Variants in GALNTL6 observed in about 807,000 individuals in gnomAD.
The protein encoded by GALNTL6 is polypeptide N-acetylgalactosaminyltransferase-like 6.
GALNTL6 carries 46 observed loss-of-function variants against 73.7 expected under a neutral mutation model. The ratio of observed to expected loss-of-function variants is 0.62; its 90% CI spans 0.49 to 0.80. GALNTL6 has a LOEUF of 0.80. GALNTL6 is among the 30% of genes least tolerant of loss of function. GALNTL6 has a pLI of 0.00. For missense variants in GALNTL6, 604 were observed against 755.0 expected, an observed-to-expected ratio of 0.80 and a Z score of 2.34; for synonymous variants, 259 against 263.7, an observed-to-expected ratio of 0.98 and a Z score of 0.17.
In GALNTL6 at chr4:172,567,363, GATAGGT is replaced by G. The variant is rs1736592941; in HGVS notation, c.553+218676_553+218681del. On this transcript the variant is annotated intron_variant, in intron 5 of 12. Coordinates refer to ENST00000506823, the MANE Select transcript of GALNTL6 (RefSeq NM_001034845.3). ...TAAACCTATGTCCTGCTTGTGCCCT[GATAGGT>G]AAGCCCTGAGATAGTCTATGATGGA... 1.3e-5 allele frequency among the ~76,000 whole-genome samples: 2 copies of G among 152,004 alleles called. 1 individual carries two copies. Among genetic ancestry groups the G allele is most frequent in the Non-Finnish European group, 2.9e-5 (2 of 68,014 alleles).
At chr4:172,033,110 T>C (rs1224586902) in intron 2 of GALNTL6, among the ~76,000 whole-genome samples, 1 of 151,966 alleles carries the variant, frequency 6.6e-6, no homozygotes, top group African/African-American at 2.4e-5. Flanking sequence ...TGTCTTTTAA[T>C]GGCTTATCTT....
At chr4:171,843,628 T>G (rs1490362759) in intron 2 of GALNTL6, among the ~76,000 whole-genome samples, 1 of 152,164 alleles carries the variant, frequency 6.6e-6, no homozygotes, top group Non-Finnish European at 1.5e-5. Context: ...GCAGTGAGGA[T>G]AGGCTCTCCC....
Position 171,901,057 on chromosome 4 carries a change from T to C in GALNTL6, c.138+86339T>C, listed in dbSNP as rs150437687. Among the ~76,000 whole-genome samples, 488 of 152,270 alleles carry C rather than the reference T, an allele frequency of 3.2e-3. 3 individuals are homozygous for C. Among genetic ancestry groups the C allele is most frequent in the African/African-American group, 0.011 (467 of 41,558 alleles). ...AAATAGAGCTAATCTGAGACACTAT[T>C]GCAGGGTGCTGAATTACCCTGATTT... On this transcript the variant is annotated intron_variant, in intron 2 of 12. Transcript: ENST00000506823.
chr4:172,900,747 T>C (rs1407195825), intron 8 of GALNTL6, among the ~76,000 whole-genome samples: 1 of 152,234 alleles, frequency 6.6e-6, no homozygotes, highest in Non-Finnish European at 1.5e-5. Context: ...TAAATTTTCT[T>C]AATTCATGAA....
At chr4:172,097,030 C>T (rs562817901) in intron 2 of GALNTL6, among the ~76,000 whole-genome samples, 8 of 152,166 alleles carry the variant, frequency 5.3e-5, no homozygotes, top group Non-Finnish European at 7.4e-5. Context: ...CTGTTTTTTG[C>T]TCTGTATGTA....
At chr4:171,958,946 T>G (rs1364463765) in intron 2 of GALNTL6, among the ~76,000 whole-genome samples, 2 of 152,116 alleles carry the variant, frequency 1.3e-5, no homozygotes, top group African/African-American at 2.4e-5. Flanking sequence ...TATTTTTTCT[T>G]TATTAGAGAA....
intron 5 of GALNTL6, among the ~76,000 whole-genome samples, chr4:172,729,955 T>A (rs1736050976): frequency 6.6e-6 from 1 of 152,126 alleles, no homozygotes; most frequent in African/African-American, 2.4e-5. Context: ...ACTTCTTTGG[T>A]TAGATTGGTT....
At chr4:171,832,172 AT>A (rs1228258339) in intron 2 of GALNTL6, among the ~76,000 whole-genome samples, 2 of 151,426 alleles carry the variant, frequency 1.3e-5, no homozygotes, top group African/African-American at 4.8e-5. Flanking sequence ...TTCTAATGAA[AT>A]TTTTTAAAAT....
chr4:171,829,559 C>G (rs1054735373), intron 2 of GALNTL6, among the ~76,000 whole-genome samples: 1 of 152,112 alleles, frequency 6.6e-6, no homozygotes, highest in East Asian at 1.9e-4. Context: ...CTTTTTCCCC[C>G]TGGAATTTGA....
intron 5 of GALNTL6, among the ~76,000 whole-genome samples, chr4:172,594,128 C>T (rs953553973): frequency 1.3e-5 from 2 of 151,946 alleles, no homozygotes; most frequent in Non-Finnish European, 2.9e-5. Context: ...GGGTGGATCA[C>T]GAGGTCAGGA....
At chr4:172,163,909 A>AT (rs1256726053) in intron 2 of GALNTL6, among the ~76,000 whole-genome samples, 2 of 152,070 alleles carry the variant, frequency 1.3e-5, no homozygotes, top group East Asian at 3.9e-4. Context: ...TATAGGAGTA[A>AT]TTTTTTTCAG....
intron 5 of GALNTL6, among the ~76,000 whole-genome samples, chr4:172,664,590 G>A (rs1296493124): frequency 6.6e-6 from 1 of 152,142 alleles, no homozygotes; most frequent in African/African-American, 2.4e-5. Flanking sequence ...CTAGGTCATG[G>A]ATCTGAGTCA....
intron 5 of GALNTL6, among the ~76,000 whole-genome samples, chr4:172,691,473 G>A (rs1449422094): frequency 6.6e-6 from 1 of 152,176 alleles, no homozygotes; most frequent in African/African-American, 2.4e-5. Context: ...ATTTTTAAAT[G>A]TTACATGACT....
intron 10 of GALNTL6, among the ~76,000 whole-genome samples, chr4:172,961,341 G>A (rs1216051840): frequency 6.6e-6 from 1 of 151,444 alleles, no homozygotes; most frequent in Non-Finnish European, 1.5e-5. Flanking sequence ...GGTAGAGAGA[G>A]AGAAGGGGTC....
intron 5 of GALNTL6, among the ~76,000 whole-genome samples, chr4:172,519,286 C>T (rs1426166382): frequency 6.6e-6 from 1 of 150,390 alleles, no homozygotes; most frequent in East Asian, 1.9e-4. Context: ...GGTCACTTTC[C>T]TTGCAGCAGT....
intron 5 of GALNTL6, among the ~76,000 whole-genome samples, chr4:172,404,174 G>A (rs533157033): frequency 1.4e-4 from 21 of 152,002 alleles, no homozygotes; most frequent in Middle Eastern, 3.4e-3. Flanking sequence ...GTTGCCAGAT[G>A]AAATGAAGGA....
intron 12 of GALNTL6, among the ~76,000 whole-genome samples, chr4:173,026,240 T>C (rs555312644): frequency 6.6e-5 from 10 of 152,144 alleles, no homozygotes; most frequent in Admixed American, 5.2e-4. Flanking sequence ...TCAGAGCCAA[T>C]AAAGGGTGCA....
intron 5 of GALNTL6, among the ~76,000 whole-genome samples, chr4:172,657,280 T>C (rs1731082435): frequency 6.6e-6 from 1 of 152,210 alleles, no homozygotes; most frequent in Non-Finnish European, 1.5e-5. Context: ...TCAGTAATTA[T>C]GCTGTGAGAT....
chr4:172,097,310 C>T (rs1560921849), intron 2 of GALNTL6, among the ~76,000 whole-genome samples: 1 of 152,154 alleles, frequency 6.6e-6, no homozygotes, highest in African/African-American at 2.4e-5. Context: ...TCAATATCCT[C>T]CTAGGGGCTT....
Sources: gnomAD v4.1 joint callset for allele counts (sites outside exome capture counted in the v4.1 genomes callset) on GRCh38, gnomAD v4.1.1 for gene constraint, MANE v1.5 for transcripts, NCBI Gene and HGNC (gene_info 2026-07-23, HGNC 2026-07-21) for gene names.